The following DAB1 variants were observed in gnomAD, a reference collection of about 807,000 sequenced individuals.
DAB1 encodes DAB adaptor protein 1, also known as disabled homolog 1.
A neutral mutation model predicts 64.6 loss-of-function variants in DAB1; 15 were observed. That is an observed-to-expected ratio of 0.23 (90% CI 0.16 to 0.36). The LOEUF is 0.36. DAB1 is among the 10% of genes least tolerant of loss of function. DAB1 has a pLI of 1.00. For synonymous variants in DAB1, 235 were observed against 251.9 expected (o/e 0.93, Z 0.64); for missense variants, 596 against 706.7 (o/e 0.84, Z 1.78).
chr1:57,305,353 CA>C (rs1674046615), intron 1 of DAB1, among the ~76,000 whole-genome samples: 1 of 152,340 alleles, frequency 6.6e-6, no homozygotes, highest in Non-Finnish European at 1.5e-5. Flanking sequence ...ATCAAAAATA[CA>C]GAGACTTTTC....
At chr1:57,138,199 C>T (rs896249248) in intron 3 of DAB1, among the ~76,000 whole-genome samples, 4 of 152,142 alleles carry the variant, frequency 2.6e-5, no homozygotes, top group African/African-American at 7.2e-5. Flanking sequence ...TTCTCAAGCA[C>T]GTCTTGCAGA....
intron 7 of DAB1, among the ~76,000 whole-genome samples, chr1:57,533,707 T>A (rs889289668): frequency 4.4e-4 from 67 of 151,774 alleles, no homozygotes; most frequent in African/African-American, 1.3e-3. Flanking sequence ...ACTTTTTTTT[T>A]AAATATTCTA....
intron 5 of DAB1, among the ~76,000 whole-genome samples, chr1:57,997,056 A>G (rs1646436352): frequency 6.6e-6 from 1 of 152,148 alleles, no homozygotes; most frequent in Admixed American, 6.5e-5. Context: ...AAGTGGTTGC[A>G]GTCAGCACCA....
chr1:57,937,205 G>A (rs1202772), intron 5 of DAB1, among the ~76,000 whole-genome samples: 93,003 of 151,646 alleles, frequency 0.61, 29,178 homozygotes, highest in African/African-American at 0.71. Context: ...ACTATGTGAT[G>A]AGGTCTGTGG....
chr1:57,518,577 T>G (rs2101372986), intron 7 of DAB1, among the ~76,000 whole-genome samples: 1 of 152,328 alleles, frequency 6.6e-6, no homozygotes, highest in Admixed American at 6.5e-5. Flanking sequence ...CATGTGTGAC[T>G]TCTGGCAGCT....
intron 2 of DAB1, among the ~76,000 whole-genome samples, chr1:58,518,090 G>A (rs1203461867): frequency 6.6e-6 from 1 of 151,042 alleles, no homozygotes; most frequent in African/African-American, 2.4e-5. Context: ...GGAGGCTGAG[G>A]CAGGAGAATC....
chr1:58,166,900 C>A (rs1655869887), intron 4 of DAB1, among the ~76,000 whole-genome samples: 1 of 151,790 alleles, frequency 6.6e-6, no homozygotes, highest in African/African-American at 2.4e-5. Context: ...TGTGCACCAC[C>A]ATGGGCTGGC....
At chr1:57,965,092 T>C (rs1382068735) in intron 5 of DAB1, among the ~76,000 whole-genome samples, 1 of 89,160 alleles carries the variant, frequency 1.1e-5, no homozygotes, top group Non-Finnish European at 3.2e-5. Flanking sequence ...TGGTAGGGTA[T>C]TGAAGGCCAC....
intron 7 of DAB1, among the ~76,000 whole-genome samples, chr1:57,441,160 G>A (rs182739912): frequency 2.5e-3 from 383 of 152,256 alleles, no homozygotes; most frequent in Non-Finnish European, 2.1e-3. Flanking sequence ...GCCTAGAAAT[G>A]CAGTCTCTTG....
intron 7 of DAB1, among the ~76,000 whole-genome samples, chr1:57,625,973 T>G (rs1645917641): frequency 6.6e-6 from 1 of 152,222 alleles, no homozygotes; most frequent in Non-Finnish European, 1.5e-5. Context: ...ATTGTAATTA[T>G]ATGAAATGGG....
At chr1:57,767,751 T>A (rs368526536) in intron 6 of DAB1, among the ~76,000 whole-genome samples, 18 of 152,112 alleles carry the variant, frequency 1.2e-4, no homozygotes, top group African/African-American at 3.6e-4. Context: ...AAATCCACCA[T>A]GGGAAGAGGA....
chr1:57,248,044 C>G (rs611306), intron 2 of DAB1, among the ~76,000 whole-genome samples: 221 of 152,122 alleles, frequency 1.5e-3, no homozygotes, highest in African/African-American at 5.0e-3. Flanking sequence ...GTTCCAGGAC[C>G]CTTGTGGATA....
chr1:57,060,527 G>A (rs1260218217), intron 9 of DAB1, among the ~76,000 whole-genome samples: 1 of 152,098 alleles, frequency 6.6e-6, no homozygotes, highest in Non-Finnish European at 1.5e-5. Flanking sequence ...GCTTGCATCT[G>A]GTAATACGAG....
intron 4 of DAB1, among the ~76,000 whole-genome samples, chr1:57,092,347 C>T (rs1478238726): frequency 6.6e-6 from 1 of 151,894 alleles, no homozygotes; most frequent in Non-Finnish European, 1.5e-5. Flanking sequence ...AATTGTAATC[C>T]CCATAAATCC....
At chr1:57,741,193 C>A (rs1451621914) in intron 6 of DAB1, among the ~76,000 whole-genome samples, 1 of 152,128 alleles carries the variant, frequency 6.6e-6, no homozygotes, top group Non-Finnish European at 1.5e-5. Flanking sequence ...TCACTTCTTG[C>A]CTACTTCATT....
At chr1:57,523,527 C>T (rs891600037) in intron 7 of DAB1, among the ~76,000 whole-genome samples, 4 of 152,202 alleles carry the variant, frequency 2.6e-5, no homozygotes, top group Non-Finnish European at 5.9e-5. Flanking sequence ...GCAGAAAATA[C>T]ATCCAGCGAA....
intron 7 of DAB1, among the ~76,000 whole-genome samples, chr1:57,436,319 A>G (rs1685694170): frequency 6.6e-6 from 1 of 152,164 alleles, no homozygotes; most frequent in Admixed American, 6.5e-5. Flanking sequence ...TTATAACAAG[A>G]GACATTTTTC....
intron 5 of DAB1, among the ~76,000 whole-genome samples, chr1:58,131,154 T>C (rs1274283286): frequency 6.8e-6 from 1 of 147,428 alleles, no homozygotes; most frequent in Non-Finnish European, 1.5e-5. Flanking sequence ...GCTTTGCTCA[T>C]TTCTTTTTAT....
intron 4 of DAB1, among the ~76,000 whole-genome samples, chr1:57,084,445 T>C (rs572878072): frequency 6.6e-6 from 1 of 152,330 alleles, no homozygotes; most frequent in African/African-American, 2.4e-5. Context: ...AAAACATTTC[T>C]GTTGTTTCAG....
Sources: gnomAD v4.1 joint callset for allele counts (sites outside exome capture counted in the v4.1 genomes callset) on GRCh38, gnomAD v4.1.1 for gene constraint, MANE v1.5 for transcripts, NCBI Gene and HGNC (gene_info 2026-07-23, HGNC 2026-07-21) for gene names.